Variants in HOOK2 observed in about 807,000 individuals in gnomAD.
HOOK2 encodes hook microtubule tethering protein 2.
Under a neutral mutation model 111.9 loss-of-function variants are expected in HOOK2, and 108 were observed. The ratio of observed to expected loss-of-function variants is 0.96; its 90% CI spans 0.83 to 1.13. The LOEUF (loss-of-function observed/expected upper bound fraction) is 1.13. Among genes scored for constraint, HOOK2 ranks in the 50% most tolerant of loss-of-function variants. HOOK2 has a pLI of 0.00. For synonymous variants in HOOK2, 405 were observed against 394.3 expected (o/e 1.03, Z -0.32); for missense variants, 978 against 951.3 (o/e 1.03, Z -0.37).
chr19:12,772,750 AG>A (rs1258225136), intron 5 of HOOK2, 29 bp downstream of exon 5: 1 of 1,613,430 alleles, frequency 6.2e-7, no homozygotes. Context: ...TCCTCAGGCC[AG>A]CCCTGGGGAC....
chr19:12,765,589 A>G, intron 18 of HOOK2, 101 bp downstream of exon 18: 1 of 1,468,970 alleles, frequency 6.8e-7, no homozygotes, highest in Non-Finnish European at 9.5e-7. Context: ...CTCTACTAAA[A>G]ATATAAAAAA....
chr19:12,775,620 C>T (rs1219982306), upstream of HOOK2: 7 of 567,724 alleles, frequency 1.2e-5, no homozygotes, highest in East Asian at 1.5e-4. Context: ...GGCTCCGCCT[C>T]GGAACGTAAT....
chr19:12,782,885 ACCC>A (rs377293013), upstream of HOOK2, among the ~76,000 whole-genome samples: 22 of 145,484 alleles, frequency 1.5e-4, 1 homozygote, highest in African/African-American at 5.5e-4. Context: ...TGGAGCTGAG[ACCC>A]CCCCCCCAGT....
rs775925708 is a variant in HOOK2 at position 12,790,817 on chromosome 19, G to C, written n.42-16592C>G. On this transcript the variant is annotated intron_variant and non_coding_transcript_variant, in intron 3 of 3. Transcript: ENST00000589765. The surrounding 1 kb of genome is among the most constrained non-coding windows in gnomAD (Gnocchi z 7.2). Reference sequence around the variant, plus strand: ...CCCCTAATGCCTCCTTCCCGCTTACGGGAGAGCCTCAGACTCTGGACTCAG... The same window carrying C: ...CCCCTAATGCCTCCTTCCCGCTTACCGGAGAGCCTCAGACTCTGGACTCAG... Among the ~76,000 whole-genome samples the C allele has an allele frequency of 1.8e-4, 27 of 152,224 alleles. No individual in the cohort carries two copies. The highest frequency in any genetic ancestry group is 6.3e-4 in the African/African-American group (26 of 41,544).
intron 14 of HOOK2, 118 bp from the exon 15 acceptor site, chr19:12,766,358 C>T: frequency 2.3e-6 from 3 of 1,302,884 alleles, no homozygotes; most frequent in South Asian, 1.6e-5. Context: ...CCAGCCAGAC[C>T]ATGGGGTTGG....
upstream of HOOK2, among the ~76,000 whole-genome samples, chr19:12,780,011 G>A (rs1490963237): frequency 1.3e-5 from 2 of 152,068 alleles, no homozygotes; most frequent in African/African-American, 2.4e-5. Flanking sequence ...TCAGCCAGGC[G>A]TGGTGGTGAG....
chr19:12,769,829 G>C (rs1968262321), intron 11 of HOOK2, 52 bp downstream of exon 11: 2 of 1,349,128 alleles, frequency 1.5e-6, no homozygotes, highest in African/African-American at 1.6e-5. Flanking sequence ...CCAACGGTGA[G>C]AGACTTGCTG....
At chr19:12,771,685 C>T in intron 7 of HOOK2, 1 of 572,196 alleles carries the variant, frequency 1.7e-6, no homozygotes, top group South Asian at 2.0e-5. Flanking sequence ...GAGTTCCAGA[C>T]CAGCCTGCCC....
At position 12,765,921 on chromosome 19, in the gene HOOK2, A is replaced by G. The variant is rs781336814; in HGVS notation, c.1599+6T>C. The G allele has an allele frequency of 6.2e-7, 1 of 1,613,654 alleles. No individual in the cohort carries two copies. Among genetic ancestry groups the G allele is most frequent in the Non-Finnish European group, 8.5e-7 (1 of 1,179,716 alleles). ...GCCAGGCTGGGAGGTGGTGGGTGAC[A>G]CTCACATCTTCAGTCTTGCCCCCCT... On this transcript the variant is annotated splice_donor_region_variant and intron_variant, in intron 16 of 22. Transcript: ENST00000397668.
At chr19:12,770,287 A>C (rs990879495) in intron 10 of HOOK2, among the ~76,000 whole-genome samples, 1 of 151,938 alleles carries the variant, frequency 6.6e-6, no homozygotes, top group African/African-American at 2.4e-5. Context: ...CCAGGGTTAT[A>C]ATCAGGTATC....
In HOOK2 at chr19:12,772,991, C is replaced by T; in HGVS notation, c.255+3G>A. ...CCCCCTGAATCCCTTTACAGTTACT[C>T]ACATCCTGGGAGTACTCTACTAGGC... On this transcript the variant is annotated splice_donor_region_variant and intron_variant, in intron 4 of 22. Transcript: ENST00000397668. 1 of 1,614,166 alleles carries T rather than the reference C, an allele frequency of 6.2e-7. No homozygotes were observed. The highest frequency in any genetic ancestry group is 8.5e-7 in the Non-Finnish European group (1 of 1,180,024).
chr19:12,769,750 G>T, intron 11 of HOOK2, 131 bp downstream of exon 11: 1 of 689,814 alleles, frequency 1.4e-6, no homozygotes. Context: ...CGTGGGTGGA[G>T]GGAAGAGGCC....
upstream of HOOK2, among the ~76,000 whole-genome samples, chr19:12,780,654 CTTTTTTTTTTTTTT>C (rs1203010571): frequency 3.1e-5 from 1 of 32,092 alleles, no homozygotes; most frequent in Admixed American, 5.1e-4. Context: ...CGCGCCCGGC[CTTTTTTTTTTTTTT>C]TTTTTTTTTT....
chr19:12,772,022 T>C, intron 7 of HOOK2, 168 bp downstream of exon 7: 2 of 642,328 alleles, frequency 3.1e-6, no homozygotes, highest in Non-Finnish European at 5.7e-6. Context: ...GCTTACAGGC[T>C]TAAGGACAAG....
Position 12,770,932 on chromosome 19 carries a change from C to T in HOOK2, c.902G>A (p.Arg301Gln), listed in dbSNP as rs201821364. The T allele has an allele frequency of 5.1e-5, 82 of 1,597,856 alleles. No individual in the cohort carries two copies. Among genetic ancestry groups the T allele is most frequent in the South Asian group, 2.7e-4 (24 of 90,542 alleles). The change falls in exon 10 of 23, where the codon CGG becomes CAG. Residue 301 changes from arginine (R) to glutamine (Q), a missense_variant and splice_region_variant. Physicochemically the swap from Arg to Gln is conservative, Grantham distance 43. Coordinates refer to ENST00000397668, the MANE Select transcript of HOOK2 (RefSeq NM_013312.3). ...QALKDEMDEL[R>Q]QSSERAGQLE... ...GGGGACCCAGGAACCCACCACTCAC[C>T]GTAGTTCATCCATCTCATCCTTCAG...
In HOOK2 at chr19:12,769,940, C is replaced by G; in HGVS notation, c.1045G>C (p.Glu349Gln). The change falls in exon 11 of 23, where the codon GAG (glutamate) becomes CAG (glutamine). Residue 349 changes from glutamate to glutamine, a missense_variant. By Grantham distance (29) the Glu-to-Gln change is conservative. Transcript: ENST00000397668. ...GAGCCCGCTCGGCGTAGCTCATCCT[C>G]CAGTTGTCGCGTGCGCTCGGCGTGG... The part of the protein sequence containing the change: ...AGHAERTRQL[E>Q]DELRRAGSLR... 6.4e-7 allele frequency: 1 copy of G among 1,558,626 alleles called. No individual in the cohort carries two copies. The highest frequency in any genetic ancestry group is 1.8e-5 in the Admixed American group (1 of 54,672).
chr19:12,776,317 C>T (rs955318707), upstream of HOOK2, among the ~76,000 whole-genome samples: 49 of 151,476 alleles, frequency 3.2e-4, no homozygotes, highest in Non-Finnish European at 4.9e-4. Context: ...GACTGTAATC[C>T]CAGTATTTTG....
intron 3 of HOOK2, chr19:12,784,430 C>G (rs865863285): frequency 2.0e-5 from 3 of 152,652 alleles, no homozygotes; most frequent in Middle Eastern, 6.8e-3. Context: ...CACACACCGT[C>G]AAACACATGA....
Position 12,791,429 on chromosome 19 carries a change from C to T in HOOK2, n.42-17204G>A. 5.2e-6 allele frequency: 1 copy of T among 193,258 alleles called. No homozygotes were observed. Among genetic ancestry groups the T allele is most frequent in the Non-Finnish European group, 1.1e-5 (1 of 95,126 alleles). The allele number at this position is 193,258 out of a possible 1,614,324, so 12.0% of individuals were successfully genotyped here. On this transcript the variant is annotated intron_variant and non_coding_transcript_variant, in intron 3 of 3. Transcript: ENST00000589765. This position sits in a 1 kb window ranked among gnomAD's most constrained non-coding sequence, Gnocchi z 7.0. ...CGGCTCCGGCGACGGCCAATCGGAG[C>T]GCACTTCCGTGGCTGACTAGCGCGG... is the stretch of plus-strand genomic sequence containing the variant.
Sources: gnomAD v4.1 joint callset for allele counts (sites outside exome capture counted in the v4.1 genomes callset) on GRCh38, gnomAD v4.1.1 for gene constraint, Gnocchi (gnomAD v3.1) non-coding constraint, MANE v1.5 for transcripts, NCBI Gene and HGNC (gene_info 2026-07-23, HGNC 2026-07-21) for gene names.